LMO7: variants seen among roughly 807,000 people sequenced by gnomAD.
LMO7 encodes the protein LIM domain only protein 7.
A neutral mutation model predicts 206.5 loss-of-function variants in LMO7; 120 were observed. The ratio of observed to expected loss-of-function variants is 0.58; its 90% confidence interval spans 0.50 to 0.68. The LOEUF (loss-of-function observed/expected upper bound fraction) is 0.68, where lower values mean the gene tolerates loss of function less well. LMO7 is among the 30% of genes least tolerant of loss of function. LMO7 has a pLI of 0.00. For missense variants in LMO7, 1,959 were observed against 1,957.9 expected (o/e 1.00, Z -0.01); for synonymous variants, 706 against 681.5 (o/e 1.04, Z -0.56).
chr13:75,728,081 A>C (rs1169752240), intron 3 of LMO7, among the ~76,000 whole-genome samples: 5 of 151,874 alleles, frequency 3.3e-5, no homozygotes, highest in Non-Finnish European at 7.4e-5. Flanking sequence ...TGCCGCAATA[A>C]ACACATGTGC....
intron 1 of LMO7, among the ~76,000 whole-genome samples, chr13:75,649,189 G>C (rs770374868): frequency 1.3e-5 from 2 of 152,144 alleles, no homozygotes; most frequent in Non-Finnish European, 2.9e-5. Context: ...ACTGGATATC[G>C]ATTTTGATTT....
intron 28 of LMO7, 100 bp from the exon 29 acceptor site, chr13:75,855,160 C>A: frequency 1.4e-6 from 1 of 704,368 alleles, no homozygotes; most frequent in Non-Finnish European, 2.5e-6. Context: ...TAGAGCTTTT[C>A]TTAAATTATT....
chr13:75,644,992 A>C (rs1456206362), intron 1 of LMO7, among the ~76,000 whole-genome samples: 2 of 152,216 alleles, frequency 1.3e-5, no homozygotes, highest in Non-Finnish European at 2.9e-5. Flanking sequence ...TATGTTAGTG[A>C]TTGTTAATGT....
At position 75,807,796 on chromosome 13, in the gene LMO7, G is replaced by A. The variant is rs755801347; in HGVS notation, c.1513G>A (p.Gly505Ser). The A allele has an allele frequency of 6.1e-5, 99 of 1,613,720 alleles. No homozygotes were observed. The highest frequency in any genetic ancestry group is 3.2e-4 in the Admixed American group (19 of 60,004). ...AGATATAATTTTACAGTGTAGAGAA[G>A]GTGAACTTGTACTTCCGGATTTGGA... Reference protein sequence around the residue: ...ERDIILQCREGELVLPDLEKD... With the variant: ...ERDIILQCRESELVLPDLEKD... Residue 505 changes from glycine (G) to serine (S), a missense_variant, in exon 10 of 31, where the codon GGT becomes AGT. Coordinates refer to ENST00000377534, the MANE Select transcript of LMO7 (RefSeq NM_001306080.2).
At position 75,717,139 on chromosome 13, in the gene LMO7, G is replaced by C. The variant is rs188076234; in HGVS notation, c.140+3887G>C. On this transcript the variant is annotated intron_variant, in intron 2 of 30. Transcript: ENST00000377534. ...TGCACTTTGGGAGTCCGAGGCGGGC[G>C]GATCATGAGGTCAGGAGATCGAGAC... is the stretch of plus-strand genomic sequence containing the variant. 3.3e-5 allele frequency among the ~76,000 whole-genome samples: 5 copies of C among 151,926 alleles called. No individual in the cohort carries two copies. In the South Asian group the frequency reaches 1.0e-3, roughly 32 times the overall value.
intron 2 of LMO7, among the ~76,000 whole-genome samples, chr13:75,721,160 A>G (rs1052562906): frequency 1.3e-5 from 2 of 152,220 alleles, no homozygotes; most frequent in Non-Finnish European, 2.9e-5. Flanking sequence ...ACAAAAAAAT[A>G]CTAGGGAGGA....
intron 2 of LMO7, among the ~76,000 whole-genome samples, chr13:75,720,256 C>T (rs1319851963): frequency 6.6e-6 from 1 of 152,080 alleles, no homozygotes; most frequent in African/African-American, 2.4e-5. Context: ...ATGTCTTTTA[C>T]AAATATTTTC....
At chr13:75,784,070 G>T (rs964369641) in intron 4 of LMO7, among the ~76,000 whole-genome samples, 1 of 152,068 alleles carries the variant, frequency 6.6e-6, no homozygotes, top group African/African-American at 2.4e-5. Flanking sequence ...AATATCTGGA[G>T]ACATTTCTGA....
At chr13:75,623,283 G>A in exon 2 of LMO7, 1 of 1,438,542 alleles carries the variant, frequency 7.0e-7, no homozygotes, top group East Asian at 2.3e-5. Context: ...ATAATTTTGA[G>A]GACTGAACAA....
At chr13:75,632,862 G>GTTGTTTTTTTTTTTTTTTTTTTTTTTTT (rs2099197047), upstream of LMO7, among the ~76,000 whole-genome samples, 2 of 102,152 alleles carry the variant, frequency 2.0e-5, no homozygotes, top group South Asian at 7.4e-4. Context: ...TTACTTAAAA[G>GTTGTTTTTTTTTTTTTTTTTTTTTTTTT]TTTTTTTTTT....
At chr13:75,739,518 GA>G (rs2046246022) in intron 3 of LMO7, among the ~76,000 whole-genome samples, 1 of 152,206 alleles carries the variant, frequency 6.6e-6, no homozygotes, top group Admixed American at 6.5e-5. Context: ...AATGGCAAGG[GA>G]AATAAATAAA....
chr13:75,694,561 A>G (rs1376611784), intron 1 of LMO7, among the ~76,000 whole-genome samples: 4 of 152,218 alleles, frequency 2.6e-5, no homozygotes, highest in Admixed American at 1.3e-4. Flanking sequence ...TGAGTGTCAC[A>G]TCTGCCAGAG....
At chr13:75,857,498 C>T (rs2061057118) in intron 30 of LMO7, 2 of 154,304 alleles carry the variant, frequency 1.3e-5, no homozygotes, top group Admixed American at 6.5e-5. Flanking sequence ...GCTGTCCAGT[C>T]CTTTCCTGGA....
chr13:75,850,421 T>C (rs559633025), intron 27 of LMO7, among the ~76,000 whole-genome samples: 1 of 152,210 alleles, frequency 6.6e-6, no homozygotes, highest in Non-Finnish European at 1.5e-5. Flanking sequence ...TGGATAAATA[T>C]GCAAAGGTAC....
intron 6 of LMO7, among the ~76,000 whole-genome samples, chr13:75,800,406 A>G (rs1746666874): frequency 1.3e-5 from 2 of 152,210 alleles, no homozygotes; most frequent in South Asian, 4.1e-4. Context: ...TTATTTTTAA[A>G]TAGAACATAT....
At chr13:75,819,275 G>T in intron 12 of LMO7, 118 bp from the exon 13 acceptor site, 2 of 1,230,968 alleles carry the variant, frequency 1.6e-6, no homozygotes, top group Non-Finnish European at 2.2e-6. Context: ...GGGCACCTTG[G>T]CATCCAGTTG....
rs145686833 is a variant in LMO7, at chr13:75,849,864, C to A, written c.4364+572C>A. On this transcript the variant is annotated intron_variant, in intron 27 of 30. Transcript: ENST00000377534. Reference sequence around the variant, plus strand: ...TGCAGCTACTCTGATTCAGTATTTTCTTATCTGACAGACTGGGGAATTTAT... The same window carrying A: ...TGCAGCTACTCTGATTCAGTATTTTATTATCTGACAGACTGGGGAATTTAT... Among the ~76,000 whole-genome samples, 9 of 152,256 alleles carry A rather than the reference C, an allele frequency of 5.9e-5. No homozygotes were observed. In the East Asian group the frequency reaches 1.7e-3, roughly 29 times the overall value.
At chr13:75,808,585 G>C (rs759371844) in intron 10 of LMO7, among the ~76,000 whole-genome samples, 1 of 151,994 alleles carries the variant, frequency 6.6e-6, no homozygotes, top group Non-Finnish European at 1.5e-5. Context: ...TTTTTTTGGG[G>C]GGGTGAAATT....
chr13:75,830,528 G>C (rs1302186874), intron 15 of LMO7, among the ~76,000 whole-genome samples: 2 of 152,158 alleles, frequency 1.3e-5, no homozygotes, highest in African/African-American at 4.8e-5. Flanking sequence ...TTGCCCATGT[G>C]GTCCTCTCCT....
Sources: allele counts gnomAD v4.1 joint callset (sites outside exome capture counted in the v4.1 genomes callset), GRCh38; gene constraint gnomAD v4.1.1; transcripts MANE v1.5; gene names NCBI Gene and HGNC (gene_info 2026-07-23, HGNC 2026-07-21).